DACH2: variants seen among roughly 807,000 people sequenced by gnomAD.
The protein encoded by DACH2 is dachshund homolog 2.
A neutral mutation model predicts 35.8 loss-of-function variants in DACH2; 17 were observed. The ratio of observed to expected loss-of-function variants is 0.48; its 90% CI spans 0.33 to 0.71. The LOEUF (loss-of-function observed/expected upper bound fraction) is 0.71. Ranked by LOEUF, DACH2 falls within the 30% of genes least tolerant of loss-of-function variation. The pLI is 0.02. For synonymous variants in DACH2, 195 were observed against 177.3 expected (o/e 1.10, Z -0.79); for missense variants, 469 against 472.7 (o/e 0.99, Z 0.07).
chrX:86,555,092 C>G (rs973332598), intron 3 of DACH2, among the ~76,000 whole-genome samples: 1 of 110,945 alleles, frequency 9.0e-6, no homozygotes, highest in African/African-American at 3.3e-5. Flanking sequence ...ACTGTTTATA[C>G]CCAGATGGTT....
intron 1 of DACH2, among the ~76,000 whole-genome samples, chrX:86,190,574 C>A (rs1376101247): frequency 4.5e-5 from 5 of 112,234 alleles, no homozygotes; most frequent in Non-Finnish European, 9.4e-5. Flanking sequence ...AAAAAATGCT[C>A]AATGTTACTT....
chrX:86,256,123 A>C (rs886640467), intron 1 of DACH2, among the ~76,000 whole-genome samples: 1 of 111,640 alleles, frequency 9.0e-6, no homozygotes, highest in African/African-American at 3.3e-5. Context: ...GAATATAACA[A>C]AAAACAAAAC....
chrX:86,369,867 T>C (rs2035860677), intron 1 of DACH2, among the ~76,000 whole-genome samples: 2 of 111,717 alleles, frequency 1.8e-5, no homozygotes, highest in Non-Finnish European at 3.8e-5. Flanking sequence ...GCTGTTCTTA[T>C]ACAAATCATG....
chrX:86,462,935 T>C (rs2037601026), intron 2 of DACH2, among the ~76,000 whole-genome samples: 1 of 111,691 alleles, frequency 9.0e-6, no homozygotes, highest in Non-Finnish European at 1.9e-5. Context: ...GCAAGGTCTC[T>C]GGTCCTGTGA....
intron 3 of DACH2, among the ~76,000 whole-genome samples, chrX:86,544,536 C>T (rs1049206834): frequency 9.0e-6 from 1 of 111,039 alleles, no homozygotes; most frequent in Non-Finnish European, 1.9e-5. Context: ...TTATTTCTGG[C>T]CAAACTAAGC....
At chrX:86,739,302 G>A (rs146613704) in intron 6 of DACH2, among the ~76,000 whole-genome samples, 5,135 of 111,340 alleles carry the variant, frequency 0.046, 107 homozygotes, top group South Asian at 0.13. Context: ...TGTGCCAGGT[G>A]CCACAATTTG....
intron 2 of DACH2, among the ~76,000 whole-genome samples, chrX:86,430,548 A>G (rs2036968969): frequency 8.9e-6 from 1 of 112,299 alleles, no homozygotes; most frequent in Non-Finnish European, 1.9e-5. Context: ...TTTTAACTGA[A>G]TTATATCTAA....
intron 2 of DACH2, among the ~76,000 whole-genome samples, chrX:86,388,356 G>T (rs2036151895): frequency 8.9e-6 from 1 of 111,866 alleles, no homozygotes; most frequent in African/African-American, 3.2e-5. Context: ...AGCTTTGATG[G>T]GGGTGGCAAG....
chrX:86,371,003 G>C (rs995686996), intron 1 of DACH2, among the ~76,000 whole-genome samples: 16 of 111,324 alleles, frequency 1.4e-4, no homozygotes, highest in African/African-American at 5.2e-4. Context: ...GCTGTGAACA[G>C]TAATCCTATT....
intron 2 of DACH2, among the ~76,000 whole-genome samples, chrX:86,450,152 T>C (rs906660809): frequency 1.8e-5 from 2 of 111,167 alleles, no homozygotes; most frequent in African/African-American, 6.5e-5. Context: ...GTTGTTTTGC[T>C]GCACAGATCA....
intron 1 of DACH2, among the ~76,000 whole-genome samples, chrX:86,357,232 T>G (rs996398140): frequency 4.4e-5 from 5 of 112,527 alleles, no homozygotes; most frequent in African/African-American, 1.3e-4. Context: ...ATTTCCTCTG[T>G]GCCTTTTAAA....
At chrX:86,825,749 T>A (rs753425249) in intron 11 of DACH2, among the ~76,000 whole-genome samples, 1 of 111,897 alleles carries the variant, frequency 8.9e-6, no homozygotes, top group African/African-American at 3.3e-5. Flanking sequence ...CAGTTGCAGA[T>A]CTCTGTACTG....
chrX:86,169,188 G>A (rs1262558414), intron 1 of DACH2, among the ~76,000 whole-genome samples: 2 of 111,667 alleles, frequency 1.8e-5, no homozygotes, highest in African/African-American at 3.2e-5. Context: ...TATGGTAAAA[G>A]CATTTTTCCT....
chrX:86,305,441 G>C (rs1037771874), intron 1 of DACH2, among the ~76,000 whole-genome samples: 1 of 111,748 alleles, frequency 8.9e-6, no homozygotes, highest in Non-Finnish European at 1.9e-5. Context: ...ATGGATTAAA[G>C]ACTCAAATGT....
At chrX:86,422,994 C>G (rs1396386382) in intron 2 of DACH2, among the ~76,000 whole-genome samples, 1 of 111,546 alleles carries the variant, frequency 9.0e-6, no homozygotes, top group Non-Finnish European at 1.9e-5. Context: ...TTGCAAATGA[C>G]TGGATCTCAT....
At chrX:86,149,265 C>G (rs1168563071) in intron 1 of DACH2, among the ~76,000 whole-genome samples, 157 bp downstream of exon 1, 1 of 111,436 alleles carries the variant, frequency 9.0e-6, no homozygotes, top group Admixed American at 9.5e-5. Flanking sequence ...GGACTAGAAG[C>G]TTTCATTAAT....
At chrX:86,634,294 C>T (rs1370670585) in intron 3 of DACH2, among the ~76,000 whole-genome samples, 2 of 111,052 alleles carry the variant, frequency 1.8e-5, no homozygotes, top group Non-Finnish European at 3.8e-5. Flanking sequence ...CAACATAGAA[C>T]ATACATCAAA....
At chrX:86,449,958 C>A (rs763132986) in intron 2 of DACH2, among the ~76,000 whole-genome samples, 1 of 111,442 alleles carries the variant, frequency 9.0e-6, no homozygotes, top group Non-Finnish European at 1.9e-5. Flanking sequence ...TATGTATATT[C>A]TTTTACCAGC....
At chrX:86,690,867 T>C (rs1401059750) in intron 4 of DACH2, among the ~76,000 whole-genome samples, 1 of 111,841 alleles carries the variant, frequency 8.9e-6, no homozygotes, top group Non-Finnish European at 1.9e-5. Context: ...TAGTACTGTT[T>C]ATTGTGTTAC....
Sources: allele counts gnomAD v4.1 joint callset (sites outside exome capture counted in the v4.1 genomes callset), GRCh38; gene constraint gnomAD v4.1.1; transcripts MANE v1.5; gene names NCBI Gene and HGNC (gene_info 2026-07-23, HGNC 2026-07-21).